The following AZIN2 variants were observed in gnomAD, a reference collection of about 807,000 sequenced individuals.
The protein encoded by AZIN2 is antizyme inhibitor 2, also known as ODC antizyme inhibitor-2.
A neutral mutation model predicts 47.8 loss-of-function variants in AZIN2; 28 were observed. That is an observed-to-expected ratio of 0.59 (90% CI 0.43 to 0.80). The LOEUF (loss-of-function observed/expected upper bound fraction) is 0.80. Among genes scored for constraint, AZIN2 ranks in the 30% least tolerant of loss-of-function variants. The pLI, the probability that AZIN2 is intolerant of heterozygous loss-of-function variation, is 0.00. For synonymous variants in AZIN2, 221 were observed against 239.4 expected (o/e 0.92, Z 0.71); for missense variants, 535 against 582.5 (o/e 0.92, Z 0.84).
intron 10 of AZIN2, among the ~76,000 whole-genome samples, chr1:33,100,086 C>G (rs1481091839): frequency 6.6e-6 from 1 of 152,082 alleles, no homozygotes; most frequent in East Asian, 1.9e-4. Context: ...CTTTGGGAGG[C>G]AGAGGTGGTT....
intron 4 of AZIN2, chr1:33,082,563 C>G: frequency 2.0e-6 from 1 of 491,850 alleles, no homozygotes; most frequent in Non-Finnish European, 3.6e-6. Flanking sequence ...CCCAGCCCTC[C>G]AAGGTCAGAA....
chr1:33,083,984 C>G lies in AZIN2; in HGVS notation c.136C>G (p.Leu46Val). 1 of 1,614,184 alleles carries G rather than the reference C, an allele frequency of 6.2e-7. No homozygotes were observed. Among genetic ancestry groups the G allele is most frequent in the South Asian group, 1.1e-5 (1 of 91,086 alleles). ...DEVAAFFVADLGAIVRKHFCF... is the reference protein window; with the variant it reads ...DEVAAFFVADVGAIVRKHFCF... ...GGTAGCTGCCTTCTTCGTGGCTGACCTGGGTGCCATAGTGAGGAAGCACTT... is the reference window on the plus strand; with the variant it reads ...GGTAGCTGCCTTCTTCGTGGCTGACGTGGGTGCCATAGTGAGGAAGCACTT... Residue 46 changes from leucine (L) to valine (V), a missense_variant, in exon 5 of 12, where the codon CTG (leucine) becomes GTG (valine). This residue lies in a region of AZIN2 where 409 missense variants were observed against 429.0 expected (regional missense o/e 0.95). Transcript: ENST00000294517.
Position 33,082,278 on chromosome 1 carries a change from T to G in AZIN2, c.29T>G (p.Phe10Cys), listed in dbSNP as rs201330518. 4.3e-6 allele frequency: 7 copies of G among 1,613,974 alleles called. No individual in the cohort carries two copies. In the East Asian group the frequency reaches 1.3e-4, roughly 31 times the overall value. Residue 10 changes from phenylalanine to cysteine, a missense_variant, in exon 4 of 12, where the codon TTT (phenylalanine) becomes TGT (cysteine). Physicochemically the swap from Phe to Cys is radical, Grantham distance 205 (BLOSUM62 -2). Around this residue, in one of 3 missense-constraint regions of AZIN2, gnomAD observed 409 missense variants for 429.0 expected, o/e 0.95. Coordinates refer to ENST00000294517, the MANE Select transcript of AZIN2 (RefSeq NM_052998.4). MAGYLSESD[F>C]VMVEEGFSTR... ...GCTGGCTACCTGAGTGAATCGGACT[T>G]TGTGATGGTGGAGGAGGGCTTCAGT...
At chr1:33,144,822 A>G in the AZIN2 span, among the ~76,000 whole-genome samples, 137 of 152,196 alleles carry the variant, frequency 9.0e-4, no homozygotes, top group Admixed American at 3.0e-3. Flanking sequence ...AGAAAGACAG[A>G]CTTCTTGGGT....
chr1:33,091,987 C>G, intron 5 of AZIN2, 63 bp from the exon 6 acceptor site: 1 of 1,571,326 alleles, frequency 6.4e-7, no homozygotes, highest in Non-Finnish European at 8.7e-7. Flanking sequence ...ATCTGTGCTT[C>G]CTTGGGCTCC....
chr1:33,099,760 C>T (rs1358529775), intron 10 of AZIN2, among the ~76,000 whole-genome samples: 2 of 152,202 alleles, frequency 1.3e-5, no homozygotes, highest in African/African-American at 4.8e-5. Flanking sequence ...CCTTTAGGCT[C>T]TTAACTGCTT....
chr1:33,133,826 T>C, the AZIN2 span, among the ~76,000 whole-genome samples: 4 of 152,364 alleles, frequency 2.6e-5, no homozygotes, highest in East Asian at 7.7e-4. Context: ...TGAGTGACCT[T>C]GGGCAAGTGG....
At chr1:33,095,430 TA>T (rs1643047737) in intron 8 of AZIN2, among the ~76,000 whole-genome samples, 1 of 152,190 alleles carries the variant, frequency 6.6e-6, no homozygotes, top group African/African-American at 2.4e-5. Flanking sequence ...CACAGTCTAT[TA>T]AGTAAAACAG....
chr1:33,086,003 T>C (rs1641850732), intron 5 of AZIN2, among the ~76,000 whole-genome samples: 1 of 152,152 alleles, frequency 6.6e-6, no homozygotes, highest in Admixed American at 6.5e-5. Flanking sequence ...CCCCACTGCC[T>C]AGAGTTTTCT....
chr1:33,088,290 T>C (rs1642157903), intron 5 of AZIN2, among the ~76,000 whole-genome samples: 2 of 151,856 alleles, frequency 1.3e-5, no homozygotes, highest in African/African-American at 4.8e-5. Flanking sequence ...GGTGTGGGAG[T>C]TCCCTCTGAC....
At position 33,123,348 on chromosome 1, in the gene AZIN2, A is replaced by G. The variant is rs1294683907; in HGVS notation, c.*3166A>G. On this transcript the variant is annotated 3_prime_UTR_variant, in exon 12 of 12. Transcript: ENST00000294517. Reference sequence around the variant, plus strand: ...TCAGCCCTTCTAGAATGTGAGCTCTAGGCTCTTGGAATAAACCTGATTTAT... The same window carrying G: ...TCAGCCCTTCTAGAATGTGAGCTCTGGGCTCTTGGAATAAACCTGATTTAT... 6.6e-6 allele frequency among the ~76,000 whole-genome samples: 1 copy of G among 152,218 alleles called. No individual in the cohort carries two copies. The highest frequency in any genetic ancestry group is 1.5e-5 in the Non-Finnish European group (1 of 68,038).
chr1:33,116,938 G>A (rs1358578709), intron 10 of AZIN2, among the ~76,000 whole-genome samples: 2 of 152,126 alleles, frequency 1.3e-5, no homozygotes, highest in Non-Finnish European at 2.9e-5. Context: ...CCTCTCAGAG[G>A]GCACAGTCAT....
the AZIN2 span, among the ~76,000 whole-genome samples, chr1:33,140,869 T>G: frequency 6.6e-6 from 1 of 152,144 alleles, no homozygotes; most frequent in Admixed American, 6.5e-5. The surrounding 1 kb of genome is among the most constrained non-coding windows in gnomAD (Gnocchi z 4.0). Flanking sequence ...AACCCTCCTC[T>G]CTCCCCTTCT....
At chr1:33,123,521 G>T (rs757667806), downstream of AZIN2, among the ~76,000 whole-genome samples, 1 of 152,186 alleles carries the variant, frequency 6.6e-6, no homozygotes, top group Non-Finnish European at 1.5e-5. Flanking sequence ...TGTACAATGT[G>T]GCTGATAACT....
At chr1:33,119,571 G>A (rs1644721392) in intron 11 of AZIN2, 1 of 171,226 alleles carries the variant, frequency 5.8e-6, no homozygotes, top group Non-Finnish European at 1.3e-5. Context: ...GGGATTGTTT[G>A]AGAGAATGGG....
chr1:33,096,656 T>C (rs1482463618), intron 8 of AZIN2, 51 bp from the exon 9 acceptor site: 2 of 1,603,134 alleles, frequency 1.2e-6, no homozygotes, highest in South Asian at 2.2e-5. Context: ...GTCTTCAGCA[T>C]AAAGCCCACA....
At chr1:33,087,033 C>T (rs1641983029) in intron 5 of AZIN2, among the ~76,000 whole-genome samples, 2 of 152,268 alleles carry the variant, frequency 1.3e-5, no homozygotes, top group South Asian at 4.1e-4. Context: ...ACTAATAATA[C>T]ATGCAAATAA....
intron 10 of AZIN2, among the ~76,000 whole-genome samples, chr1:33,110,264 C>T (rs4045753): frequency 6.6e-6 from 1 of 152,202 alleles, no homozygotes; most frequent in Non-Finnish European, 1.5e-5. Flanking sequence ...ATAATTTCAT[C>T]TAGCAGAAGC....
At chr1:33,131,014 A>C in the AZIN2 span, among the ~76,000 whole-genome samples, 1 of 152,214 alleles carries the variant, frequency 6.6e-6, no homozygotes, top group African/African-American at 2.4e-5. Context: ...GCCAGCATGC[A>C]GGTCACTGGG....
Sources: gnomAD v4.1 joint callset for allele counts (sites outside exome capture counted in the v4.1 genomes callset) on GRCh38, gnomAD v4.1.1 for gene constraint, gnomAD v4.1.1 regional missense constraint, Gnocchi (gnomAD v3.1) non-coding constraint, MANE v1.5 for transcripts, NCBI Gene and HGNC (gene_info 2026-07-23, HGNC 2026-07-21) for gene names.